Variants in TASP1 observed in about 807,000 individuals in gnomAD.
TASP1 encodes threonine aspartase 1.
In TASP1, 16 loss-of-function variants were observed where a neutral mutation model predicts 56.6. That is an observed-to-expected ratio of 0.28 (90% CI 0.19 to 0.43). TASP1 has a LOEUF of 0.43. TASP1 is among the 20% of genes least tolerant of loss of function. The pLI is 1.00. For missense variants in TASP1, 393 were observed against 511.6 expected, an observed-to-expected ratio of 0.77 and a Z score of 2.24; for synonymous variants, 179 against 184.2, an observed-to-expected ratio of 0.97 and a Z score of 0.23.
intron 11 of TASP1, among the ~76,000 whole-genome samples, chr20:13,480,330 G>A (rs529175824): frequency 4.0e-4 from 61 of 152,308 alleles, no homozygotes; most frequent in African/African-American, 1.3e-3. Context: ...TTGTTCTTCT[G>A]TATTTCATAC....
intron 8 of TASP1, among the ~76,000 whole-genome samples, chr20:13,554,003 G>A (rs2046069097): frequency 6.6e-6 from 1 of 152,050 alleles, no homozygotes; most frequent in Admixed American, 6.6e-5. Context: ...GTTTATTGAG[G>A]GAGATTCCAG....
chr20:13,599,700 C>T (rs1232656009), intron 4 of TASP1, among the ~76,000 whole-genome samples: 2 of 150,948 alleles, frequency 1.3e-5, no homozygotes, highest in African/African-American at 4.9e-5. Context: ...CAATGTAATT[C>T]ACCATATTAA....
At chr20:13,224,133 C>T in the TASP1 span, among the ~76,000 whole-genome samples, 1 of 152,260 alleles carries the variant, frequency 6.6e-6, no homozygotes, top group East Asian at 1.9e-4. Flanking sequence ...TGCTAATCCA[C>T]CAGCTTCAGC....
chr20:13,462,425 G>A (rs866096111), intron 11 of TASP1, among the ~76,000 whole-genome samples: 11 of 152,134 alleles, frequency 7.2e-5, no homozygotes, highest in African/African-American at 2.4e-4. Context: ...AAAGAAAAGC[G>A]AAGTATAATA....
the TASP1 span, among the ~76,000 whole-genome samples, chr20:13,362,301 G>C: frequency 6.6e-6 from 1 of 151,944 alleles, no homozygotes; most frequent in Non-Finnish European, 1.5e-5. Context: ...TATATGCCCA[G>C]ATGGCCTGAA....
the TASP1 span, among the ~76,000 whole-genome samples, chr20:13,339,095 T>C: frequency 6.6e-6 from 1 of 152,232 alleles, no homozygotes; most frequent in Admixed American, 6.5e-5. Context: ...ACACAATTGG[T>C]AAATCTGCTG....
the TASP1 span, among the ~76,000 whole-genome samples, chr20:13,246,937 A>AAT: frequency 3.8e-3 from 583 of 151,600 alleles, 5 homozygotes; most frequent in Middle Eastern, 0.017. Flanking sequence ...GAGATTTAAA[A>AAT]ATATATATAT....
intron 4 of TASP1, among the ~76,000 whole-genome samples, chr20:13,596,556 C>G (rs560429830): frequency 2.0e-5 from 3 of 152,078 alleles, no homozygotes; most frequent in Non-Finnish European, 4.4e-5. Context: ...ATTTATAGCA[C>G]TAAATGCCCA....
chr20:13,535,450 A>G (rs930806519), intron 8 of TASP1, among the ~76,000 whole-genome samples: 4 of 152,180 alleles, frequency 2.6e-5, no homozygotes, highest in African/African-American at 7.2e-5. Context: ...ATATACTGAT[A>G]CACTATGACA....
At chr20:13,255,197 T>C in the TASP1 span, among the ~76,000 whole-genome samples, 5 of 152,220 alleles carry the variant, frequency 3.3e-5, no homozygotes, top group Admixed American at 3.3e-4. Flanking sequence ...GAGGTGACAT[T>C]TAAGCTGAGA....
intron 11 of TASP1, among the ~76,000 whole-genome samples, chr20:13,459,808 T>A (rs1394203446): frequency 6.6e-6 from 1 of 152,076 alleles, no homozygotes; most frequent in African/African-American, 2.4e-5. Flanking sequence ...CCAAGGTCAA[T>A]AGCTTCACCT....
At chr20:13,275,869 C>G in the TASP1 span, among the ~76,000 whole-genome samples, 2 of 152,190 alleles carry the variant, frequency 1.3e-5, no homozygotes, top group African/African-American at 4.8e-5. Flanking sequence ...TTGCTGTTTA[C>G]CTCGGGACCT....
rs555115545 is a variant in TASP1, at chr20:13,418,703, G to T, written c.1097-1182C>A. On this transcript the variant is annotated intron_variant, in intron 12 of 13. Transcript: ENST00000337743. The stretch of plus-strand genomic sequence containing the variant: ...CTGTTTGTTCACTGTGGAAACACTT[G>T]ATGGACTCCAACTTAACTCCATGAA... Among the ~76,000 whole-genome samples, 13 of 152,314 alleles carry T rather than the reference G, an allele frequency of 8.5e-5. No homozygotes were observed. The South Asian group carries it at 2.7e-3, about 32-fold the overall frequency.
At chr20:13,499,463 T>A (rs924175872) in intron 10 of TASP1, among the ~76,000 whole-genome samples, 4 of 142,666 alleles carry the variant, frequency 2.8e-5, no homozygotes, top group African/African-American at 5.2e-5. Context: ...GAAATCTCTT[T>A]AAAAAAAAAA....
chr20:13,123,388 G>T, the TASP1 span, among the ~76,000 whole-genome samples: 17 of 151,542 alleles, frequency 1.1e-4, no homozygotes, highest in Non-Finnish European at 2.5e-4. Context: ...TGTACCAGAT[G>T]CTTTTCTAAG....
intron 13 of TASP1, among the ~76,000 whole-genome samples, chr20:13,404,069 T>TA (rs1406033426): frequency 2.6e-5 from 4 of 152,318 alleles, no homozygotes; most frequent in East Asian, 1.9e-4. Flanking sequence ...AGGACATTTC[T>TA]ATTACTGCCC....
chr20:13,442,157 C>CT (rs1399454305), intron 11 of TASP1, among the ~76,000 whole-genome samples: 1 of 152,060 alleles, frequency 6.6e-6, no homozygotes, highest in African/African-American at 2.4e-5. Context: ...TGAGTCTGTT[C>CT]TTTAACTCCA....
At chr20:13,144,341 A>G in the TASP1 span, among the ~76,000 whole-genome samples, 1 of 152,228 alleles carries the variant, frequency 6.6e-6, no homozygotes, top group African/African-American at 2.4e-5. Flanking sequence ...ACTGAACACA[A>G]CAGCCACTTA....
At chr20:13,413,685 C>G (rs2042163635) in intron 13 of TASP1, among the ~76,000 whole-genome samples, 1 of 152,218 alleles carries the variant, frequency 6.6e-6, no homozygotes, top group East Asian at 1.9e-4. Flanking sequence ...AAGAACTAAT[C>G]AAATGTGCCA....
Sources: gnomAD v4.1 joint callset for allele counts (sites outside exome capture counted in the v4.1 genomes callset) on GRCh38, gnomAD v4.1.1 for gene constraint, MANE v1.5 for transcripts, NCBI Gene and HGNC (gene_info 2026-07-23, HGNC 2026-07-21) for gene names.